The following SAMD5 variants were observed in gnomAD, a reference collection of about 807,000 sequenced individuals.
SAMD5 encodes the protein sterile alpha motif domain containing 5, also known as sterile alpha motif domain-containing protein 5.
Under a neutral mutation model 11.3 loss-of-function variants are expected in SAMD5, and 13 were observed. That is an observed-to-expected ratio of 1.15 (90% CI 0.75 to 1.83). SAMD5 has a LOEUF of 1.83. Ranked by LOEUF, SAMD5 falls within the 40% of genes most tolerant of loss-of-function variation. The pLI is 0.00. For missense variants in SAMD5, 255 were observed against 239.1 expected, an observed-to-expected ratio of 1.07 and a Z score of -0.44; for synonymous variants, 129 against 111.3, an observed-to-expected ratio of 1.16 and a Z score of -1.00.
At chr6:147,628,048 CAT>C (rs1790085043) in intron 1 of SAMD5, among the ~76,000 whole-genome samples, 1 of 152,160 alleles carries the variant, frequency 6.6e-6, no homozygotes, top group African/African-American at 2.4e-5. Context: ...CCTATGAAAA[CAT>C]ATAGTTCCTC....
chr6:147,648,160 T>C (rs1448420288), intron 1 of SAMD5, among the ~76,000 whole-genome samples: 2 of 152,162 alleles, frequency 1.3e-5, no homozygotes, highest in East Asian at 1.9e-4. Flanking sequence ...GACTGGATAA[T>C]TTATAAAGGA....
chr6:147,724,922 A>AG (rs1791604414), intron 1 of SAMD5, among the ~76,000 whole-genome samples: 1 of 148,494 alleles, frequency 6.7e-6, no homozygotes, highest in East Asian at 1.9e-4. Context: ...CCTCAAAAAA[A>AG]CAAAAAAAAA....
At chr6:147,583,951 A>G (rs1314745164) in intron 1 of SAMD5, among the ~76,000 whole-genome samples, 2 of 152,152 alleles carry the variant, frequency 1.3e-5, no homozygotes, top group African/African-American at 2.4e-5. Flanking sequence ...TAAAACAAGT[A>G]TAAATAAAAA....
At chr6:147,683,112 T>C in intron 1 of SAMD5, among the ~76,000 whole-genome samples, 1 of 152,334 alleles carries the variant, frequency 6.6e-6, no homozygotes, top group Non-Finnish European at 1.5e-5. Flanking sequence ...GACAGGGAAC[T>C]TCTGATCATT....
In SAMD5 at chr6:147,682,340, G is replaced by A. The variant is rs115299160; in HGVS notation, c.163-54977G>A. The stretch of plus-strand genomic sequence containing the variant: ...TCATTTCAAGTGGGAGGATAAATGC[G>A]GTACCTGTGATTGTATCTTGACCAG... On this transcript the variant is annotated intron_variant, in intron 1 of 1. Transcript: ENST00000566741. 7.1e-3 allele frequency among the ~76,000 whole-genome samples: 1,075 copies of A among 152,248 alleles called. 21 individuals carry two copies. Among genetic ancestry groups the A allele is most frequent in the African/African-American group, 0.024 (988 of 41,532 alleles).
chr6:147,906,426 C>T, the SAMD5 span, among the ~76,000 whole-genome samples: 2 of 152,190 alleles, frequency 1.3e-5, no homozygotes, highest in Non-Finnish European at 2.9e-5. Context: ...CTGGCTTTTA[C>T]ACCCCAGATT....
intron 1 of SAMD5, among the ~76,000 whole-genome samples, chr6:147,608,183 TTGG>T (rs1460047859): frequency 6.6e-6 from 1 of 152,176 alleles, no homozygotes; most frequent in Non-Finnish European, 1.5e-5. Flanking sequence ...TCATACACTG[TTGG>T]TGGGAATGTA....
chr6:147,895,452 A>C, the SAMD5 span, among the ~76,000 whole-genome samples: 4 of 152,192 alleles, frequency 2.6e-5, no homozygotes, highest in Non-Finnish European at 5.9e-5. Flanking sequence ...TATGAGAATG[A>C]AAATGGAAGC....
intron 1 of SAMD5, among the ~76,000 whole-genome samples, chr6:147,585,133 C>G (rs1789355850): frequency 6.6e-6 from 1 of 152,098 alleles, no homozygotes; most frequent in Admixed American, 6.5e-5. Context: ...TGTGTCGGGG[C>G]AGGCAAAAGA....
the SAMD5 span, among the ~76,000 whole-genome samples, chr6:147,940,534 C>A: frequency 6.6e-6 from 1 of 152,144 alleles, no homozygotes; most frequent in Non-Finnish European, 1.5e-5. Context: ...GAACTTTAAT[C>A]TTGGGAAAAT....
chr6:147,927,950 T>C, the SAMD5 span, among the ~76,000 whole-genome samples: 21 of 152,224 alleles, frequency 1.4e-4, no homozygotes, highest in African/African-American at 4.8e-4. Context: ...TTAGTTCTCT[T>C]TATGTGATGA....
the SAMD5 span, among the ~76,000 whole-genome samples, chr6:147,835,626 G>A: frequency 6.6e-6 from 1 of 152,104 alleles, no homozygotes; most frequent in African/African-American, 2.4e-5. Flanking sequence ...ACCATTCCTC[G>A]ACTTTCCAAC....
intron 1 of SAMD5, among the ~76,000 whole-genome samples, chr6:147,640,915 T>C (rs935458325): frequency 6.6e-6 from 1 of 152,220 alleles, no homozygotes; most frequent in Non-Finnish European, 1.5e-5. Context: ...TTTTTTAATT[T>C]AATGTTAGCT....
At chr6:147,845,368 T>C in the SAMD5 span, among the ~76,000 whole-genome samples, 2 of 152,062 alleles carry the variant, frequency 1.3e-5, no homozygotes, top group East Asian at 3.9e-4. Flanking sequence ...GATCCCAAGA[T>C]CATAGTCTAT....
chr6:147,780,694 C>T, the SAMD5 span, among the ~76,000 whole-genome samples: 1 of 152,030 alleles, frequency 6.6e-6, no homozygotes, highest in Non-Finnish European at 1.5e-5. Context: ...TAATATTTTT[C>T]TAGAGTGACA....
the SAMD5 span, among the ~76,000 whole-genome samples, chr6:147,896,747 A>ACAC: frequency 1.1e-5 from 1 of 87,408 alleles, no homozygotes; most frequent in African/African-American, 1.0e-4. Context: ...CCAAAAAAAA[A>ACAC]AAAAAAAAAA....
intron 1 of SAMD5, among the ~76,000 whole-genome samples, chr6:147,555,825 T>A (rs1253528672): frequency 6.6e-6 from 1 of 152,224 alleles, no homozygotes; most frequent in Non-Finnish European, 1.5e-5. Context: ...TGCCATGGTA[T>A]TAAAATGAAT....
intron 1 of SAMD5, among the ~76,000 whole-genome samples, chr6:147,693,208 C>A (rs1403801739): frequency 6.6e-6 from 1 of 152,244 alleles, no homozygotes; most frequent in Non-Finnish European, 1.5e-5. Flanking sequence ...TCAGCCTTTT[C>A]TTCTAAGCAG....
chr6:147,604,014 T>C (rs1007485496), intron 1 of SAMD5, among the ~76,000 whole-genome samples: 5 of 152,204 alleles, frequency 3.3e-5, no homozygotes, highest in African/African-American at 9.6e-5. Context: ...TTTCCCATAG[T>C]GGTTGGATTA....
Sources: gnomAD v4.1 joint callset for allele counts (sites outside exome capture counted in the v4.1 genomes callset) on GRCh38, gnomAD v4.1.1 for gene constraint, MANE v1.5 for transcripts, NCBI Gene and HGNC (gene_info 2026-07-23, HGNC 2026-07-21) for gene names.